The following CTNND2 variants were observed in gnomAD, a reference collection of about 807,000 sequenced individuals.
CTNND2 encodes the protein catenin delta-2.
CTNND2 carries 22 observed loss-of-function variants against 144.4 expected under a neutral mutation model. The ratio of observed to expected loss-of-function variants is 0.15; its 90% CI spans 0.11 to 0.22. The LOEUF (loss-of-function observed/expected upper bound fraction) is 0.22, where lower values mean the gene tolerates loss of function less well. CTNND2 is among the 10% of genes least tolerant of loss of function. The pLI, the probability that CTNND2 is intolerant of heterozygous loss-of-function variation, is 1.00. For missense variants in CTNND2, 1,353 were observed against 1,618.8 expected (o/e 0.84, Z 2.82); for synonymous variants, 751 against 695.6 (o/e 1.08, Z -1.25).
Position 11,400,363 on chromosome 5 carries a change from C to T in CTNND2, c.440-3160G>A, listed in dbSNP as rs544017119. 5.8e-4 allele frequency among the ~76,000 whole-genome samples: 88 copies of T among 152,266 alleles called. 4 individuals carry two copies. The South Asian group carries it at 0.017, about 29-fold the overall frequency. Reference sequence around the variant, plus strand: ...TGTGAGCAACAGCGGATCATCATGTCCTTCTTGGCCACAGAGAGCAGAAGC... The same window carrying T: ...TGTGAGCAACAGCGGATCATCATGTTCTTCTTGGCCACAGAGAGCAGAAGC... On this transcript the variant is annotated intron_variant, in intron 5 of 21. Coordinates refer to ENST00000304623, the MANE Select transcript of CTNND2 (RefSeq NM_001332.4).
intron 3 of CTNND2, among the ~76,000 whole-genome samples, chr5:11,469,713 TTAGG>T (rs1766989123): frequency 6.6e-6 from 1 of 152,252 alleles, no homozygotes; most frequent in South Asian, 2.1e-4. Context: ...TTTATTTTTC[TTAGG>T]TAATTTTAAA....
At chr5:11,412,342 T>A (rs1243959311) in intron 3 of CTNND2, among the ~76,000 whole-genome samples, 1 of 152,168 alleles carries the variant, frequency 6.6e-6, no homozygotes, top group Non-Finnish European at 1.5e-5. Flanking sequence ...GCCCAACCTG[T>A]TAGACTCATT....
chr5:11,629,315 T>C (rs1304109366), intron 2 of CTNND2, among the ~76,000 whole-genome samples: 1 of 152,082 alleles, frequency 6.6e-6, no homozygotes, highest in Non-Finnish European at 1.5e-5. Context: ...GCCTCTTAAA[T>C]AAAGACAAAA....
intron 16 of CTNND2, among the ~76,000 whole-genome samples, chr5:11,032,199 T>C (rs139520055): frequency 6.6e-6 from 1 of 152,376 alleles, no homozygotes; most frequent in African/African-American, 2.4e-5. Flanking sequence ...TGAATTTACT[T>C]TTCATCAATA....
At chr5:11,241,765 A>T (rs1184936337) in intron 9 of CTNND2, among the ~76,000 whole-genome samples, 4 of 152,196 alleles carry the variant, frequency 2.6e-5, no homozygotes, top group African/African-American at 7.2e-5. Flanking sequence ...TGCAGAAAAT[A>T]GTCTGTCTGG....
intron 1 of CTNND2, among the ~76,000 whole-genome samples, chr5:11,862,811 T>C (rs1042076759): frequency 3.9e-5 from 6 of 152,244 alleles, no homozygotes; most frequent in Admixed American, 2.6e-4. Context: ...AACTGCTTTA[T>C]ATTTGCTGTC....
intron 3 of CTNND2, among the ~76,000 whole-genome samples, chr5:11,429,349 T>C (rs917326986): frequency 6.6e-5 from 10 of 152,198 alleles, no homozygotes; most frequent in East Asian, 1.9e-4. Flanking sequence ...TGGCTTCTAA[T>C]TGGGGACAAT....
intron 1 of CTNND2, among the ~76,000 whole-genome samples, chr5:11,740,271 A>G (rs1382476284): frequency 6.6e-6 from 1 of 152,192 alleles, no homozygotes; most frequent in African/African-American, 2.4e-5. Flanking sequence ...GAGGCATCAC[A>G]CTACCTGACT....
At chr5:11,330,313 T>TAAAAAAAAAAA (rs1390011646) in intron 9 of CTNND2, among the ~76,000 whole-genome samples, 4 of 44,542 alleles carry the variant, frequency 9.0e-5, no homozygotes, top group African/African-American at 4.3e-4. Context: ...CTACTAAAAA[T>TAAAAAAAAAAA]ACAAAAAAAA....
Position 11,561,098 on chromosome 5 carries a change from T to C in CTNND2, c.287+3846A>G, listed in dbSNP as rs553581027. ...ATTGACAGGCCTACAGCCTCAGGAATGGGCCTTGGGCTGAGCATGAGCCAG... is the reference window on the plus strand; with the variant it reads ...ATTGACAGGCCTACAGCCTCAGGAACGGGCCTTGGGCTGAGCATGAGCCAG... On this transcript the variant is annotated intron_variant, in intron 3 of 21. Transcript: ENST00000304623. Among the ~76,000 whole-genome samples, 274 of 152,214 alleles carry C rather than the reference T, an allele frequency of 1.8e-3. 2 individuals are homozygous for C. The highest frequency in any genetic ancestry group is 6.4e-3 in the African/African-American group (267 of 41,520).
chr5:11,440,227 A>C (rs1764145672), intron 3 of CTNND2, among the ~76,000 whole-genome samples: 1 of 152,186 alleles, frequency 6.6e-6, no homozygotes, highest in Non-Finnish European at 1.5e-5. Context: ...AATGTATACT[A>C]AACAGTGTCT....
chr5:11,304,609 T>C (rs977490010), intron 9 of CTNND2, among the ~76,000 whole-genome samples: 4 of 152,158 alleles, frequency 2.6e-5, no homozygotes, highest in Admixed American at 2.0e-4. Flanking sequence ...CAAGGAACAG[T>C]GGTGGGAGGG....
intron 1 of CTNND2, among the ~76,000 whole-genome samples, chr5:11,748,789 AT>A (rs1277177358): frequency 6.6e-6 from 1 of 152,040 alleles, no homozygotes; most frequent in Non-Finnish European, 1.5e-5. Flanking sequence ...ATAATTTTCA[AT>A]TATGTCCACA....
At chr5:11,191,007 G>T (rs1736186321) in intron 11 of CTNND2, among the ~76,000 whole-genome samples, 1 of 152,186 alleles carries the variant, frequency 6.6e-6, no homozygotes, top group South Asian at 2.1e-4. Flanking sequence ...GAGCCTTCCT[G>T]AGATCTGCAG....
intron 1 of CTNND2, among the ~76,000 whole-genome samples, chr5:11,803,935 T>C (rs1791845460): frequency 6.6e-6 from 1 of 152,164 alleles, no homozygotes; most frequent in Admixed American, 6.5e-5. Flanking sequence ...CTCCATTTTT[T>C]TAAACTCATT....
intron 11 of CTNND2, among the ~76,000 whole-genome samples, chr5:11,188,784 A>G (rs1735933634): frequency 6.6e-6 from 1 of 152,186 alleles, no homozygotes; most frequent in African/African-American, 2.4e-5. Context: ...TCTATGGGAT[A>G]CAGCTGCGTT....
Position 11,646,164 on chromosome 5 carries a change from T to G in CTNND2, c.175-81108A>C, listed in dbSNP as rs557634322. On this transcript the variant is annotated intron_variant, in intron 2 of 21. Coordinates refer to ENST00000304623, the MANE Select transcript of CTNND2 (RefSeq NM_001332.4). ...GAGCCCATGGGCCCTCCCTCTAGCCTTGTTTTTTGTTTTTCCTTCTTTATT... is the reference window on the plus strand; with the variant it reads ...GAGCCCATGGGCCCTCCCTCTAGCCGTGTTTTTTGTTTTTCCTTCTTTATT... Among the ~76,000 whole-genome samples, 24 of 152,302 alleles carry G rather than the reference T, an allele frequency of 1.6e-4. No homozygotes were observed. The South Asian group carries it at 1.9e-3, about 12-fold the overall frequency.
intron 2 of CTNND2, among the ~76,000 whole-genome samples, chr5:11,643,924 T>A (rs139049610): frequency 6.6e-6 from 1 of 152,188 alleles, no homozygotes; most frequent in East Asian, 1.9e-4. Flanking sequence ...ATTATTCATT[T>A]GACTTCATAT....
At chr5:11,110,691 T>C (rs910299580) in intron 14 of CTNND2, among the ~76,000 whole-genome samples, 167 bp downstream of exon 14, 1 of 152,192 alleles carries the variant, frequency 6.6e-6, no homozygotes, top group Non-Finnish European at 1.5e-5. Flanking sequence ...AATCATTTCA[T>C]GTCCCACCGT....
Sources: allele counts gnomAD v4.1 joint callset (sites outside exome capture counted in the v4.1 genomes callset), GRCh38; gene constraint gnomAD v4.1.1; transcripts MANE v1.5; gene names NCBI Gene and HGNC (gene_info 2026-07-23, HGNC 2026-07-21).